SHC1: variants seen among roughly 807,000 people sequenced by gnomAD.
SHC1 encodes SHC-transforming protein 1.
SHC1 carries 30 observed loss-of-function variants against 55.9 expected under a neutral mutation model. The ratio of observed to expected loss-of-function variants is 0.54; its 90% CI spans 0.40 to 0.73. The LOEUF (loss-of-function observed/expected upper bound fraction) is 0.73, where lower values mean the gene tolerates loss of function less well. SHC1 is among the 30% of genes least tolerant of loss of function. The pLI, the probability that SHC1 is intolerant of heterozygous loss-of-function variation, is 0.00. For synonymous variants in SHC1, 309 were observed against 306.1 expected (o/e 1.01, Z -0.10); for missense variants, 675 against 777.1 (o/e 0.87, Z 1.56).
At chr1:154,972,419 C>T (rs925351784), upstream of SHC1, among the ~76,000 whole-genome samples, 7 of 152,146 alleles carry the variant, frequency 4.6e-5, no homozygotes, top group Non-Finnish European at 7.3e-5. Flanking sequence ...TCCAGAAGAG[C>T]TTTGTCACTC....
intron 6 of SHC1, 44 bp downstream of exon 6, chr1:154,967,936 C>T (rs1281778322): frequency 6.2e-7 from 1 of 1,611,204 alleles, no homozygotes; most frequent in Admixed American, 1.7e-5. Context: ...CTACTCACCT[C>T]CTCAAACAGC....
chr1:154,969,370 C>T lies in SHC1; in HGVS notation c.566+8G>A, dbSNP rs1297347442. ...AGGACTCCCACAATCCACTCCCTCC[C>T]CACTAACCTGGTGACCTGAGTCCGG... On this transcript the variant is annotated splice_region_variant and intron_variant, in intron 2 of 11. Coordinates refer to ENST00000448116, the MANE Select transcript of SHC1 (RefSeq NM_001130040.2). 8.7e-6 allele frequency: 14 copies of T among 1,601,270 alleles called. No individual in the cohort carries two copies. The highest frequency in any genetic ancestry group is 1.3e-5 in the African/African-American group (1 of 74,766).
At chr1:154,972,110 T>A (rs181039167), upstream of SHC1, among the ~76,000 whole-genome samples, 4 of 152,002 alleles carry the variant, frequency 2.6e-5, no homozygotes, top group East Asian at 7.7e-4. Flanking sequence ...TAGCTGGGCG[T>A]GGTGGCGGGC....
chr1:154,972,169 C>T (rs1348078305), upstream of SHC1, among the ~76,000 whole-genome samples: 1 of 151,284 alleles, frequency 6.6e-6, no homozygotes, highest in Non-Finnish European at 1.5e-5. Context: ...CGCTCGAACC[C>T]AGGAGGCGGA....
At chr1:154,969,490 C>T (rs753894006) in intron 1 of SHC1, 42 bp from the exon 2 acceptor site, 3 of 1,353,964 alleles carry the variant, frequency 2.2e-6, no homozygotes, top group East Asian at 4.7e-5. Context: ...GCGGCTCCCC[C>T]ACCCCAGCCC....
At chr1:154,971,585 G>C (rs980137810), upstream of SHC1, among the ~76,000 whole-genome samples, 4 of 152,090 alleles carry the variant, frequency 2.6e-5, no homozygotes, top group Non-Finnish European at 4.4e-5. Context: ...GAGGCAATCA[G>C]GTCCCCACTC....
At chr1:154,969,297 C>A in intron 2 of SHC1, 81 bp downstream of exon 2, 2 of 932,504 alleles carry the variant, frequency 2.1e-6, no homozygotes, top group East Asian at 2.6e-5. Flanking sequence ...GCAGCAGCAC[C>A]CAAGTGACCC....
At chr1:154,971,916 A>G (rs1656784496), upstream of SHC1, among the ~76,000 whole-genome samples, 1 of 151,554 alleles carries the variant, frequency 6.6e-6, no homozygotes, top group African/African-American at 2.4e-5. Flanking sequence ...AGAATGCCAC[A>G]GGCAAAGCTG....
rs766244676 is a variant in SHC1, at chr1:154,964,051, G to T, written c.1627-120C>A. Reference sequence around the variant, plus strand: ...TGAAGGAGGAGAAAAAAATGGTGGGGGAGAGTGTGGCCTGTCAATCCTGAT... The same window carrying T: ...TGAAGGAGGAGAAAAAAATGGTGGGTGAGAGTGTGGCCTGTCAATCCTGAT... On this transcript the variant is annotated intron_variant, in intron 11 of 11. Coordinates refer to ENST00000448116, the MANE Select transcript of SHC1 (RefSeq NM_001130040.2). 1.3e-5 allele frequency: 13 copies of T among 1,018,116 alleles called. No individual in the cohort carries two copies. In the East Asian group the frequency reaches 3.1e-4, roughly 24 times the overall value. 63.1% of individuals were successfully genotyped at this position (1,018,116 alleles called of 1,614,324 possible).
rs759231809 is a variant in SHC1, at chr1:154,966,241, T to G, written c.1183-10A>C. ...CAGGCTGTCCTACAGGCTGCAGGGA[T>G]AAAAATAAGGTGAGACCAGAAGCCC... On this transcript the variant is annotated splice_polypyrimidine_tract_variant and intron_variant, in intron 8 of 11. Coordinates refer to ENST00000448116, the MANE Select transcript of SHC1 (RefSeq NM_001130040.2). 3.1e-6 allele frequency: 5 copies of G among 1,613,598 alleles called. No individual in the cohort carries two copies. In the African/African-American group the frequency reaches 6.7e-5, roughly 22 times the overall value.
At position 154,970,485 on chromosome 1, in the gene SHC1, C is replaced by G; in HGVS notation, c.42G>C (p.Arg14=). The change falls in exon 1 of 12, where the codon CGG becomes CGC. Residue 14 remains arginine (R), a synonymous_variant. Coordinates refer to ENST00000448116, the MANE Select transcript of SHC1 (RefSeq NM_001130040.2). This position sits in a 1 kb window ranked among gnomAD's most constrained non-coding sequence, Gnocchi z 5.5. ...LPPKPKYNPL[R]NESLSSLEEG... Reference sequence around the variant, plus strand: ...CCTCCAGCGATGACAGAGACTCATTCCGGAGTGGATTGTACTTGGGCTTGG... The same window carrying G: ...CCTCCAGCGATGACAGAGACTCATTGCGGAGTGGATTGTACTTGGGCTTGG... The G allele has an allele frequency of 6.2e-7, 1 of 1,612,034 alleles. No homozygotes were observed. The highest frequency in any genetic ancestry group is 8.5e-7 in the Non-Finnish European group (1 of 1,179,476).
chr1:154,971,471 G>A (rs565206784), upstream of SHC1, among the ~76,000 whole-genome samples: 23 of 152,326 alleles, frequency 1.5e-4, no homozygotes, highest in African/African-American at 5.1e-4. Flanking sequence ...TGTTCTCTAC[G>A]TATGCCATCT....
Position 154,970,021 on chromosome 1 carries a change from T to G in SHC1, c.495+11A>C, listed in dbSNP as rs1448896716. The G allele has an allele frequency of 1.9e-6, 3 of 1,613,264 alleles. No homozygotes were observed. Among genetic ancestry groups the G allele is most frequent in the Non-Finnish European group, 2.5e-6 (3 of 1,179,746 alleles). On this transcript the variant is annotated intron_variant, in intron 1 of 11. Transcript: ENST00000448116. This position sits in a 1 kb window ranked among gnomAD's most constrained non-coding sequence, Gnocchi z 5.5. ...GTCTGCGGGGGAATGGAGAGGAGGA[T>G]GTTCACTCACCCGAACCAAGTAGGA...
chr1:154,963,746 AG>A lies in SHC1; in HGVS notation c.*56del, dbSNP rs1165028923. 3.1e-6 allele frequency: 5 copies of A among 1,587,582 alleles called. No individual in the cohort carries two copies. Among genetic ancestry groups the A allele is most frequent in the Non-Finnish European group, 4.3e-6 (5 of 1,159,542 alleles). ...ACTCCCAAACGAGGTCCCGAGAGTT[AG>A]GGAATAGGGTGGAAAGGATTGGAGG... is the stretch of plus-strand genomic sequence containing the variant. On this transcript the variant is annotated 3_prime_UTR_variant, in exon 12 of 12. Coordinates refer to ENST00000448116, the MANE Select transcript of SHC1 (RefSeq NM_001130040.2).
Position 154,970,518 on chromosome 1 carries a change from G to C in SHC1, c.9C>G (p.Leu3=), listed in dbSNP as rs1389444459. 6.2e-7 allele frequency: 1 copy of C among 1,605,886 alleles called. No individual in the cohort carries two copies. The highest frequency in any genetic ancestry group is 8.5e-7 in the Non-Finnish European group (1 of 1,176,904). ...GATTGTACTTGGGCTTGGGGGGCAG[G>C]AGATCCATAGTTGAGGTGAAAGAGG... The part of the protein sequence containing the change: MD[L]LPPKPKYNPL... The change falls in exon 1 of 12, where the codon CTC becomes CTG. Residue 3 remains leucine (L), a synonymous_variant. Transcript: ENST00000448116. The surrounding 1 kb of genome is among the most constrained non-coding windows in gnomAD (Gnocchi z 5.5).
In SHC1 at chr1:154,966,480, C is replaced by G; in HGVS notation, c.1021G>C (p.Glu341Gln). 3 of 1,608,658 alleles carry G rather than the reference C, an allele frequency of 1.9e-6. No individual in the cohort carries two copies. The highest frequency in any genetic ancestry group is 2.5e-6 in the Non-Finnish European group (3 of 1,176,926). ...TACTGATGGTCAGGTGGCTCTTCCT[C>G]CTCCTCATCCCATGCTGAGCCATCA... Reference protein sequence around the residue: ...GFDGSAWDEEEEEPPDHQYYN... With the variant: ...GFDGSAWDEEQEEPPDHQYYN... The change falls in exon 8 of 12, where the codon GAG becomes CAG. Residue 341 changes from glutamate (E) to glutamine (Q), a missense_variant. Coordinates refer to ENST00000448116, the MANE Select transcript of SHC1 (RefSeq NM_001130040.2).
At chr1:154,965,873 G>C in intron 10 of SHC1, 73 bp downstream of exon 10, 1 of 1,575,946 alleles carries the variant, frequency 6.3e-7, no homozygotes, top group Non-Finnish European at 8.6e-7. Flanking sequence ...GAAGGAAAGA[G>C]CAGATAGGCA....
Position 154,966,194 on chromosome 1 carries a change from C to T in SHC1, c.1220G>A (p.Arg407His), listed in dbSNP as rs1655945950. The change falls in exon 9 of 12, where the codon CGC (arginine) becomes CAC (histidine). Residue 407 changes from arginine (R) to histidine (H), a missense_variant. Arg to His is a conservative substitution (Grantham distance 29). Around this residue, in one of 3 missense-constraint regions of SHC1, gnomAD observed 360 missense variants for 371.1 expected, o/e 0.97. Transcript: ENST00000448116. ...GQPVGGDPEV[R>H]KQMPPPPPCP... is the part of the protein sequence containing the mutation. ...GGGTGGTGGAGGTGGCATCTGTTTG[C>T]GGACTTCTGGATCTCCCCCAACAGG... 3.7e-6 allele frequency: 6 copies of T among 1,614,118 alleles called. No individual in the cohort carries two copies. The highest frequency in any genetic ancestry group is 2.2e-5 in the East Asian group (1 of 44,888).
chr1:154,966,429 G>T lies in SHC1; in HGVS notation c.1072C>A (p.Pro358Thr). The change falls in exon 8 of 12, where the codon CCC becomes ACC. Residue 358 changes from proline (P) to threonine (T), a missense_variant. Pro to Thr is a conservative substitution (Grantham distance 38). This residue lies in a region of SHC1 where 360 missense variants were observed against 371.1 expected (regional missense o/e 0.97). Coordinates refer to ENST00000448116, the MANE Select transcript of SHC1 (RefSeq NM_001130040.2). The stretch of plus-strand genomic sequence containing the variant: ...ATGTCTACCACCCCCCCCAAGGGGG[G>T]TTCCTTCCCCGGGAAGTCATTATAG... Reference protein sequence around the residue: ...QYYNDFPGKEPPLGGVVDMRL... With the variant: ...QYYNDFPGKETPLGGVVDMRL... The T allele has an allele frequency of 1.9e-6, 3 of 1,613,586 alleles. No individual in the cohort carries two copies. Among genetic ancestry groups the T allele is most frequent in the South Asian group, 1.1e-5 (1 of 90,974 alleles).
Sources: gnomAD v4.1 joint callset for allele counts (sites outside exome capture counted in the v4.1 genomes callset) on GRCh38, gnomAD v4.1.1 for gene constraint, gnomAD v4.1.1 regional missense constraint, Gnocchi (gnomAD v3.1) non-coding constraint, MANE v1.5 for transcripts, NCBI Gene and HGNC (gene_info 2026-07-23, HGNC 2026-07-21) for gene names.